The following DTWD2 variants were observed in gnomAD, a reference collection of about 807,000 sequenced individuals.
DTWD2 encodes DTW motif tRNA-uridine aminocarboxypropyltransferase 2.
DTWD2 carries 39 observed loss-of-function variants against 31.8 expected under a neutral mutation model. That is an observed-to-expected ratio of 1.22 (90% CI 0.95 to 1.60). The LOEUF is 1.60. Among genes scored for constraint, DTWD2 ranks in the 40% most tolerant of loss-of-function variants. DTWD2 has a pLI of 0.00. For synonymous variants in DTWD2, 180 were observed against 142.8 expected, an observed-to-expected ratio of 1.26 and a Z score of -1.86; for missense variants, 515 against 381.5, an observed-to-expected ratio of 1.35 and a Z score of -2.92.
chr5:118,965,574 A>C (rs1165572622), intron 1 of DTWD2, among the ~76,000 whole-genome samples: 2 of 152,332 alleles, frequency 1.3e-5, no homozygotes, highest in Non-Finnish European at 2.9e-5. Context: ...TTTGTTCTGT[A>C]CTAAGAAAAA....
chr5:118,909,903 T>G (rs573383807), intron 4 of DTWD2, among the ~76,000 whole-genome samples: 95 of 152,162 alleles, frequency 6.2e-4, no homozygotes, highest in Non-Finnish European at 1.8e-4. Flanking sequence ...TGCCCTCCAG[T>G]CAGCCCATCA....
intron 4 of DTWD2, among the ~76,000 whole-genome samples, chr5:118,887,011 G>C (rs934243016): frequency 6.6e-6 from 1 of 152,084 alleles, no homozygotes; most frequent in Non-Finnish European, 1.5e-5. Flanking sequence ...ACAATGTGTT[G>C]ATCCATTCAG....
intron 4 of DTWD2, among the ~76,000 whole-genome samples, chr5:118,893,360 C>CA (rs751616981): frequency 0.083 from 4,302 of 52,046 alleles, 329 homozygotes; most frequent in African/African-American, 0.21. Flanking sequence ...GACACAGTCT[C>CA]AAAAAAAAAA....
Position 118,928,603 on chromosome 5 carries a change from A to G in DTWD2, c.531T>C (p.Ile177=), listed in dbSNP as rs1561459041. 6.3e-7 allele frequency: 1 copy of G among 1,594,874 alleles called. No homozygotes were observed. The highest frequency in any genetic ancestry group is 1.2e-5 in the South Asian group (1 of 85,918). Residue 177 remains isoleucine (I), a synonymous_variant, in exon 4 of 6, where the codon ATT becomes ATC. Coordinates refer to ENST00000510708, the MANE Select transcript of DTWD2 (RefSeq NM_173666.4). ...SPVYPSTIII[I]DGTWSQAKDI... ...CCTTAGCCTGGCTCCATGTACCATC[A>G]ATGATGATGATTGTAGAAGGATAAA...
intron 4 of DTWD2, 46 bp from the exon 5 acceptor site, chr5:118,848,264 A>G: frequency 6.6e-7 from 1 of 1,519,578 alleles, no homozygotes; most frequent in Non-Finnish European, 8.8e-7. Context: ...TTTAAATTTA[A>G]AATTATAAAG....
intron 1 of DTWD2, among the ~76,000 whole-genome samples, chr5:118,977,383 G>C (rs551598347): frequency 1.3e-5 from 2 of 152,314 alleles, no homozygotes; most frequent in African/African-American, 2.4e-5. Context: ...AATAGGAAGA[G>C]AGGAAGTCAA....
At chr5:118,887,964 C>A (rs966875507) in intron 4 of DTWD2, among the ~76,000 whole-genome samples, 2 of 152,148 alleles carry the variant, frequency 1.3e-5, no homozygotes, top group Non-Finnish European at 2.9e-5. Context: ...TTAATGCAAC[C>A]CTTACTCACT....
intron 5 of DTWD2, among the ~76,000 whole-genome samples, chr5:118,847,660 C>A (rs183126126): frequency 6.7e-6 from 1 of 148,892 alleles, no homozygotes; most frequent in Non-Finnish European, 1.5e-5. Context: ...AAGGTTAACA[C>A]GAGAAACAGA....
At position 118,982,686 on chromosome 5, in the gene DTWD2, CTTTTTTT is replaced by C. The variant is rs56102830; in HGVS notation, c.218+5601_218+5607del. ...TAAATTTACCAAAATAGTTTGTTTT[CTTTTTTT>C]TTTTTTTTTTTTTGAGACGGAGTTT... On this transcript the variant is annotated intron_variant, in intron 1 of 5. Transcript: ENST00000510708. Among the ~76,000 whole-genome samples the C allele has an allele frequency of 3.3e-5, 4 of 121,140 alleles. No individual in the cohort carries two copies. In the Admixed American group the frequency reaches 3.4e-4, roughly 10 times the overall value. The allele number at this position is 121,140 out of a possible 152,430, so 79.5% of individuals were successfully genotyped here.
At chr5:118,863,055 T>TA (rs75491445) in intron 4 of DTWD2, among the ~76,000 whole-genome samples, 20,847 of 152,196 alleles carry the variant, frequency 0.14, 1,974 homozygotes, top group East Asian at 0.55. Context: ...CTGGACTTTT[T>TA]ATGAGAAAGC....
At position 118,947,279 on chromosome 5, in the gene DTWD2, A is replaced by C. The variant is rs574583561; in HGVS notation, c.219-2630T>G. Among the ~76,000 whole-genome samples the C allele has an allele frequency of 4.5e-3, 692 of 152,276 alleles. 2 individuals are homozygous for C. Among genetic ancestry groups the C allele is most frequent in the Non-Finnish European group, 7.2e-3 (493 of 68,030 alleles). ...TAGCTTTGCTGCCCACACTGGTGGC[A>C]CCCAAGCTCTTGTTCGGCGTCCAGT... On this transcript the variant is annotated intron_variant, in intron 1 of 5. Transcript: ENST00000510708.
At chr5:118,915,462 C>G (rs986693178) in intron 4 of DTWD2, among the ~76,000 whole-genome samples, 1 of 151,684 alleles carries the variant, frequency 6.6e-6, no homozygotes, top group Non-Finnish European at 1.5e-5. Context: ...GCAAGCTCCA[C>G]CTCCCAGGTT....
chr5:118,948,214 G>A (rs1280581882), intron 1 of DTWD2, among the ~76,000 whole-genome samples: 1 of 152,038 alleles, frequency 6.6e-6, no homozygotes, highest in Non-Finnish European at 1.5e-5. Context: ...GGTGGCTCAC[G>A]CCTGTAATCC....
intron 4 of DTWD2, among the ~76,000 whole-genome samples, chr5:118,906,220 C>A (rs1753329468): frequency 6.6e-6 from 1 of 152,086 alleles, no homozygotes; most frequent in Admixed American, 6.6e-5. Flanking sequence ...TAAGAAGAAA[C>A]AAGATTTCTC....
At chr5:118,913,416 T>G (rs866268812) in intron 4 of DTWD2, among the ~76,000 whole-genome samples, 3 of 134,394 alleles carry the variant, frequency 2.2e-5, no homozygotes, top group Non-Finnish European at 4.8e-5. Context: ...TATAGATATA[T>G]ATAGATATAT....
In DTWD2 at chr5:118,919,358, G is replaced by C. The variant is rs192714774; in HGVS notation, c.597+9179C>G. Among the ~76,000 whole-genome samples the C allele has an allele frequency of 7.3e-4, 111 of 152,296 alleles. 3 individuals carry two copies. In the Middle Eastern group the frequency reaches 0.01, roughly 14 times the overall value. ...GTGGAGAGAAGAAAACGGTCTCTAG[G>C]TTTTTAAAACCCTTGAAGTATGAGC... On this transcript the variant is annotated intron_variant, in intron 4 of 5. Transcript: ENST00000510708.
At chr5:118,953,721 T>G (rs1470441247) in intron 1 of DTWD2, among the ~76,000 whole-genome samples, 1 of 152,204 alleles carries the variant, frequency 6.6e-6, no homozygotes, top group African/African-American at 2.4e-5. Flanking sequence ...ACATATCACC[T>G]TCCACCTGAG....
chr5:118,974,229 G>C, intron 1 of DTWD2: 3 of 1,054,734 alleles, frequency 2.8e-6, no homozygotes, highest in Non-Finnish European at 4.3e-6. Context: ...CGAGTAGAGA[G>C]GCCCGCCCGC....
At chr5:118,948,661 G>T (rs1019119843) in intron 1 of DTWD2, among the ~76,000 whole-genome samples, 1 of 152,142 alleles carries the variant, frequency 6.6e-6, no homozygotes, top group Non-Finnish European at 1.5e-5. Context: ...GGACAGAAAG[G>T]CTACAGGGCA....
Sources: allele counts gnomAD v4.1 joint callset (sites outside exome capture counted in the v4.1 genomes callset), GRCh38; gene constraint gnomAD v4.1.1; transcripts MANE v1.5; gene names NCBI Gene and HGNC (gene_info 2026-07-23, HGNC 2026-07-21).